Variants in AVEN observed in about 807,000 individuals in gnomAD.
The protein encoded by AVEN is cell death regulator Aven.
In AVEN, 41 loss-of-function variants were observed where a neutral mutation model predicts 38.1. That is an observed-to-expected ratio of 1.08 (90% CI 0.84 to 1.40). The LOEUF (loss-of-function observed/expected upper bound fraction) is 1.40. AVEN is among the 40% of genes most tolerant of loss of function. The pLI is 0.00. For missense variants in AVEN, 605 were observed against 438.8 expected (o/e 1.38, Z -3.38); for synonymous variants, 206 against 171.8 (o/e 1.20, Z -1.56).
chr15:34,019,738 A>T (rs1378186773), intron 1 of AVEN, among the ~76,000 whole-genome samples: 1 of 152,256 alleles, frequency 6.6e-6, no homozygotes, highest in African/African-American at 2.4e-5. Context: ...TTTGTAGCCC[A>T]GGAGCAATAT....
chr15:34,060,257 G>A (rs1900290747), intron 5 of AVEN, among the ~76,000 whole-genome samples: 1 of 152,166 alleles, frequency 6.6e-6, no homozygotes, highest in Admixed American at 6.5e-5. Flanking sequence ...AATGGAGAGG[G>A]ACCAAAAAGA....
At chr15:33,909,805 G>A (rs528344018) in intron 2 of AVEN, among the ~76,000 whole-genome samples, 9 of 152,110 alleles carry the variant, frequency 5.9e-5, no homozygotes, top group Non-Finnish European at 1.3e-4. Context: ...CCACAACTTT[G>A]CATTTATGTA....
rs33928063 is a variant in AVEN at position 33,918,458 on chromosome 15, C to CTTTTTTTTTTTTT, written c.446-42476_446-42464dup. Among the ~76,000 whole-genome samples the CTTTTTTTTTTTTT allele has an allele frequency of 2.8e-4, 24 of 84,504 alleles. 1 individual carries two copies. The South Asian group carries it at 5.0e-3, about 18-fold the overall frequency. The allele number at this position is 84,504 out of a possible 152,430, so 55.4% of individuals were successfully genotyped here. On this transcript the variant is annotated intron_variant, in intron 2 of 5. Transcript: ENST00000306730. ...GTGTCTTCCCAGTCTTAAATTACAG[C>CTTTTTTTTTTTTT]TTTTTTTTTTTTTTTTTTTTTTTTT... is the stretch of plus-strand genomic sequence containing the variant.
intron 2 of AVEN, among the ~76,000 whole-genome samples, chr15:33,942,212 G>A (rs1176239951): frequency 6.6e-6 from 1 of 152,104 alleles, no homozygotes; most frequent in African/African-American, 2.4e-5. Flanking sequence ...AGCTCCTGTT[G>A]TCAAATTCTA....
At chr15:33,893,493 G>A (rs1433398050) in intron 2 of AVEN, among the ~76,000 whole-genome samples, 2 of 152,160 alleles carry the variant, frequency 1.3e-5, no homozygotes, top group African/African-American at 4.8e-5. Flanking sequence ...CCCAGGAGTT[G>A]GGGGCTACAG....
At chr15:33,942,764 C>T (rs1272998789) in intron 2 of AVEN, among the ~76,000 whole-genome samples, 1 of 152,024 alleles carries the variant, frequency 6.6e-6, no homozygotes, top group African/African-American at 2.4e-5. Flanking sequence ...GTTTTTTTAT[C>T]TCTATATATG....
At chr15:34,059,472 A>G (rs1383927431) in intron 5 of AVEN, among the ~76,000 whole-genome samples, 1 of 152,156 alleles carries the variant, frequency 6.6e-6, no homozygotes, top group African/African-American at 2.4e-5. Context: ...CTACCTTCAG[A>G]GTAGATGGGG....
chr15:33,861,284 T>C (rs529070426), downstream of AVEN: 5 of 742,836 alleles, frequency 6.7e-6, no homozygotes, highest in East Asian at 3.0e-5. Flanking sequence ...AGAAAGGAAC[T>C]TCCAGGAGTC....
intron 5 of AVEN, 87 bp downstream of exon 5, chr15:33,867,408 G>GGGATGTGTGC (rs1390717591): frequency 7.4e-6 from 11 of 1,480,568 alleles, no homozygotes; most frequent in East Asian, 2.3e-5. Context: ...GACACCCAGA[G>GGGATGTGTGC]GGATGTGTGC....
intron 2 of AVEN, among the ~76,000 whole-genome samples, chr15:33,974,426 C>T (rs767079786): frequency 1.3e-5 from 2 of 152,174 alleles, no homozygotes. Flanking sequence ...CTTATGCCAA[C>T]ATACAATATA....
intron 1 of AVEN, among the ~76,000 whole-genome samples, chr15:34,036,896 G>T (rs1487764527): frequency 6.6e-6 from 1 of 152,036 alleles, no homozygotes; most frequent in Non-Finnish European, 1.5e-5. Context: ...GATCACCTGA[G>T]GTCAGGAGTT....
At chr15:33,895,229 T>C (rs1194253315) in intron 2 of AVEN, among the ~76,000 whole-genome samples, 1 of 152,182 alleles carries the variant, frequency 6.6e-6, no homozygotes, top group African/African-American at 2.4e-5. Flanking sequence ...AAGCTTAACC[T>C]ACTATTTTTT....
At chr15:33,935,727 C>G (rs1184259533) in intron 2 of AVEN, among the ~76,000 whole-genome samples, 1 of 152,082 alleles carries the variant, frequency 6.6e-6, no homozygotes, top group Admixed American at 6.6e-5. Context: ...GAGATTGAGG[C>G]AGCCTATCTC....
intron 2 of AVEN, among the ~76,000 whole-genome samples, chr15:33,941,259 A>G (rs4780194): frequency 0.32 from 47,915 of 152,098 alleles, 7,917 homozygotes; most frequent in African/African-American, 0.42. Flanking sequence ...TTTGCTGAAA[A>G]TTTGTTATTA....
chr15:33,952,707 T>C (rs893021093), intron 2 of AVEN, among the ~76,000 whole-genome samples: 2 of 152,092 alleles, frequency 1.3e-5, no homozygotes, highest in African/African-American at 4.8e-5. Flanking sequence ...ACTGAAACTA[T>C]CCAACTGAGG....
chr15:33,907,856 A>C (rs1892766042), intron 2 of AVEN, among the ~76,000 whole-genome samples: 1 of 152,152 alleles, frequency 6.6e-6, no homozygotes, highest in African/African-American at 2.4e-5. Context: ...CTAGAAGAAA[A>C]AAATGGGTGA....
intron 1 of AVEN, among the ~76,000 whole-genome samples, chr15:34,038,051 A>T (rs763594120): frequency 1.1e-4 from 16 of 152,094 alleles, no homozygotes. Context: ...ATCTCCAAAA[A>T]CTTCCTTCTA....
chr15:34,062,819 A>C, intron 5 of AVEN: 1 of 1,614,224 alleles, frequency 6.2e-7, no homozygotes, highest in Non-Finnish European at 8.5e-7. Flanking sequence ...TCACCATTGC[A>C]GCTGTGACTG....
the AVEN span, chr15:33,853,701 T>G: frequency 3.7e-6 from 6 of 1,607,046 alleles, no homozygotes; most frequent in East Asian, 2.2e-5. Context: ...AGCTTAGGAG[T>G]TCAAATCCAA....
Sources: allele counts gnomAD v4.1 joint callset (sites outside exome capture counted in the v4.1 genomes callset), GRCh38; gene constraint gnomAD v4.1.1; transcripts MANE v1.5; gene names NCBI Gene and HGNC (gene_info 2026-07-23, HGNC 2026-07-21).